The following MYO6 variants were observed in gnomAD, a reference collection of about 807,000 sequenced individuals.
MYO6 encodes myosin VI.
MYO6 carries 74 observed loss-of-function variants against 178.7 expected under a neutral mutation model. That is an observed-to-expected ratio of 0.41 (90% CI 0.34 to 0.50). The LOEUF is 0.50. MYO6 is among the 20% of genes least tolerant of loss of function. The probability of loss-of-function intolerance (pLI) is 0.09; values close to 1 mark genes in which losing one functional copy is unlikely to be tolerated. For synonymous variants in MYO6, 477 were observed against 504.6 expected (o/e 0.95, Z 0.73); for missense variants, 1,330 against 1,547.4 (o/e 0.86, Z 2.36).
intron 1 of MYO6, among the ~76,000 whole-genome samples, chr6:75,784,826 G>GTATCA (rs1382684562): frequency 7.2e-6 from 1 of 138,052 alleles, no homozygotes; most frequent in Non-Finnish European, 1.5e-5. Context: ...GAGGAATAAA[G>GTATCA]TATCAGCTGA....
At chr6:75,871,508 T>A (rs769463015) in intron 19 of MYO6, among the ~76,000 whole-genome samples, 5 of 152,164 alleles carry the variant, frequency 3.3e-5, no homozygotes, top group Admixed American at 2.0e-4. Context: ...ACTTGGCCTC[T>A]CAAAGTGCTG....
At chr6:75,772,453 T>C (rs1765988333) in intron 1 of MYO6, among the ~76,000 whole-genome samples, 1 of 152,226 alleles carries the variant, frequency 6.6e-6, no homozygotes, top group African/African-American at 2.4e-5. Context: ...TTTTGAGTGC[T>C]TGGTTAGGTT....
chr6:75,898,524 T>A, intron 30 of MYO6, 113 bp downstream of exon 30: 1 of 849,582 alleles, frequency 1.2e-6, no homozygotes, highest in Non-Finnish European at 2.0e-6. Context: ...TCTTTCTATG[T>A]AAAGTGATAT....
intron 20 of MYO6, among the ~76,000 whole-genome samples, chr6:75,878,419 C>T (rs1777744843): frequency 1.3e-5 from 2 of 152,114 alleles, no homozygotes. Context: ...TTTACCGAGC[C>T]AAAGGGATAT....
rs1470972045 is a variant in MYO6 at position 75,866,550 on chromosome 6, G to A, written c.1699G>A (p.Val567Ile). The change falls in exon 17 of 35, where the codon GTT becomes ATT. Residue 567 changes from valine to isoleucine, a missense_variant. Around this residue, in one of 3 missense-constraint regions of MYO6, gnomAD observed 613 missense variants for 816.8 expected, o/e 0.75. Coordinates refer to ENST00000369977, the MANE Select transcript of MYO6 (RefSeq NM_004999.4). ...GATTCCCAGAAAATCTAAGCTGGCA[G>A]TTCATAGGAATATCAGAGACGACGA... is the stretch of plus-strand genomic sequence containing the variant. ...LTIPRKSKLA[V>I]HRNIRDDEGF... is the part of the protein sequence containing the mutation. The A allele has an allele frequency of 6.2e-7, 1 of 1,613,858 alleles. No homozygotes were observed. The highest frequency in any genetic ancestry group is 1.3e-5 in the African/African-American group (1 of 75,024).
chr6:75,785,473 C>CTTTT (rs11325534), intron 1 of MYO6, among the ~76,000 whole-genome samples: 4 of 126,540 alleles, frequency 3.2e-5, no homozygotes, highest in African/African-American at 3.2e-5. Flanking sequence ...CTTTTCTTTT[C>CTTTT]TTTTTTTTTT....
At chr6:75,873,337 C>A in intron 20 of MYO6, 37 bp downstream of exon 20, 1 of 1,439,060 alleles carries the variant, frequency 6.9e-7, no homozygotes, top group South Asian at 1.1e-5. Flanking sequence ...TGTTAGTAGT[C>A]ATAGCTCAAA....
chr6:75,770,232 A>T (rs1765736112), intron 1 of MYO6, among the ~76,000 whole-genome samples: 1 of 152,220 alleles, frequency 6.6e-6, no homozygotes, highest in Non-Finnish European at 1.5e-5. Flanking sequence ...AGCCCTGCTT[A>T]TACAGCCTGC....
At chr6:75,801,222 A>G (rs1562177607) in intron 1 of MYO6, among the ~76,000 whole-genome samples, 1 of 152,132 alleles carries the variant, frequency 6.6e-6, no homozygotes, top group African/African-American at 2.4e-5. Context: ...GAAATTTACA[A>G]TCATGGCAGA....
chr6:75,810,827 T>A (rs1261673535), intron 1 of MYO6, among the ~76,000 whole-genome samples: 1 of 152,162 alleles, frequency 6.6e-6, no homozygotes, highest in African/African-American at 2.4e-5. Flanking sequence ...CAGAGGAGCC[T>A]AATTAAAGTT....
chr6:75,849,272 C>A (rs62414789), intron 11 of MYO6, among the ~76,000 whole-genome samples: 34,775 of 152,040 alleles, frequency 0.23, 5,137 homozygotes, highest in Middle Eastern at 0.39. Context: ...GGCTATATGT[C>A]CTGCAAAGCC....
chr6:75,814,599 C>T (rs560162562), intron 1 of MYO6, among the ~76,000 whole-genome samples: 21 of 152,208 alleles, frequency 1.4e-4, no homozygotes, highest in East Asian at 3.9e-4. Flanking sequence ...CAGTGGCTCA[C>T]GCCTGTAATC....
At chr6:75,805,643 T>C (rs570312692) in intron 1 of MYO6, among the ~76,000 whole-genome samples, 14 of 152,350 alleles carry the variant, frequency 9.2e-5, no homozygotes, top group South Asian at 2.1e-4. Context: ...TTCTACACAT[T>C]ACTATAGTGT....
intron 31 of MYO6, 44 bp downstream of exon 31, chr6:75,907,752 A>T (rs763449994): frequency 6.8e-7 from 1 of 1,462,874 alleles, no homozygotes; most frequent in Non-Finnish European, 9.5e-7. Context: ...GTTCATAGTG[A>T]TAGGTGATAA....
At chr6:75,753,482 T>TATATATATATATATATATATATA (rs1777078949) in intron 1 of MYO6, among the ~76,000 whole-genome samples, 1 of 150,414 alleles carries the variant, frequency 6.6e-6, no homozygotes, top group African/African-American at 2.4e-5. Context: ...TATATATATG[T>TATATATATATATATATATATATA]TTTTTGGAGA....
At chr6:75,855,038 T>TA in intron 11 of MYO6, 101 bp from the exon 12 acceptor site, 1 of 1,062,202 alleles carries the variant, frequency 9.4e-7, no homozygotes, top group East Asian at 2.6e-5. Flanking sequence ...CCTTGCCTAT[T>TA]ATATGGTTTT....
chr6:75,803,397 CATTGGAG>C (rs1769684746), intron 1 of MYO6, among the ~76,000 whole-genome samples: 1 of 151,928 alleles, frequency 6.6e-6, no homozygotes, highest in African/African-American at 2.4e-5. Flanking sequence ...TTGATTGCTA[CATTGGAG>C]TTTCCTAGGT....
intron 20 of MYO6, among the ~76,000 whole-genome samples, chr6:75,875,720 A>T (rs901513293): frequency 6.6e-6 from 1 of 152,206 alleles, no homozygotes; most frequent in African/African-American, 2.4e-5. Context: ...CAGTTCTGCT[A>T]TTGTAACCTT....
At chr6:75,816,388 T>C (rs1051728191) in intron 1 of MYO6, among the ~76,000 whole-genome samples, 10 of 152,210 alleles carry the variant, frequency 6.6e-5, no homozygotes, top group African/African-American at 2.4e-4. Flanking sequence ...CAGGGTCTTG[T>C]TCTGTCACCC....
Sources: allele counts gnomAD v4.1 joint callset (sites outside exome capture counted in the v4.1 genomes callset), GRCh38; gene constraint gnomAD v4.1.1; regional missense constraint gnomAD v4.1.1; transcripts MANE v1.5; gene names NCBI Gene and HGNC (gene_info 2026-07-23, HGNC 2026-07-21).